ADCK1: variants seen among roughly 807,000 people sequenced by gnomAD.
The protein encoded by ADCK1 is aarF domain containing kinase 1.
ADCK1 carries 41 observed loss-of-function variants against 52.3 expected under a neutral mutation model. The ratio of observed to expected loss-of-function variants is 0.78; its 90% confidence interval spans 0.61 to 1.02. The LOEUF (loss-of-function observed/expected upper bound fraction) is 1.02, where lower values mean the gene tolerates loss of function less well. Among genes scored for constraint, ADCK1 ranks in the 50% least tolerant of loss-of-function variants. The pLI, the probability that ADCK1 is intolerant of heterozygous loss-of-function variation, is 0.00. For synonymous variants in ADCK1, 250 were observed against 274.6 expected, an observed-to-expected ratio of 0.91 and a Z score of 0.89; for missense variants, 658 against 679.5, an observed-to-expected ratio of 0.97 and a Z score of 0.35.
intron 8 of ADCK1, among the ~76,000 whole-genome samples, chr14:77,925,355 T>TGGTGCTG (rs1473187302): frequency 6.6e-6 from 1 of 152,096 alleles, no homozygotes; most frequent in African/African-American, 2.4e-5. Flanking sequence ...CCAGAGGTGA[T>TGGTGCTG]GGTGCTGGCA....
At chr14:77,852,894 TATATATA>T (rs2082333377) in intron 3 of ADCK1, among the ~76,000 whole-genome samples, 1 of 32,408 alleles carries the variant, frequency 3.1e-5, no homozygotes, top group Non-Finnish European at 6.3e-5. Flanking sequence ...TATATATATA[TATATATA>T]TATATATTTT....
intron 6 of ADCK1, among the ~76,000 whole-genome samples, chr14:77,903,509 G>T (rs998521806): frequency 1.6e-4 from 25 of 152,356 alleles, no homozygotes; most frequent in Non-Finnish European, 1.3e-4. Context: ...GGGAGAGGGT[G>T]AGGGGGCAGC....
intron 3 of ADCK1, among the ~76,000 whole-genome samples, chr14:77,828,426 A>G (rs2081766867): frequency 6.6e-6 from 1 of 152,248 alleles, no homozygotes; most frequent in South Asian, 2.1e-4. Context: ...GCTCCTTATC[A>G]TTTTAATGAA....
chr14:77,909,903 G>A (rs1443539077), intron 7 of ADCK1, among the ~76,000 whole-genome samples: 1 of 152,176 alleles, frequency 6.6e-6, no homozygotes, highest in African/African-American at 2.4e-5. Flanking sequence ...AAGAATCAGA[G>A]TCTCAGAGAG....
chr14:77,856,049 A>C (rs2082410237), intron 3 of ADCK1, among the ~76,000 whole-genome samples: 1 of 152,060 alleles, frequency 6.6e-6, no homozygotes, highest in Non-Finnish European at 1.5e-5. Flanking sequence ...TTCTCTACTA[A>C]AAATACAAAA....
Position 77,894,736 on chromosome 14 carries a change from G to GTTTTTTTTTTTTTTTTTTT in ADCK1, c.583-4354_583-4336dup. Among the ~76,000 whole-genome samples, 29 of 36,480 alleles carry GTTTTTTTTTTTTTTTTTTT rather than the reference G, an allele frequency of 7.9e-4. 8 individuals are homozygous for GTTTTTTTTTTTTTTTTTTT. Among genetic ancestry groups the GTTTTTTTTTTTTTTTTTTT allele is most frequent in the Non-Finnish European group, 1.2e-3 (20 of 16,930 alleles). The allele number at this position is 36,480 out of a possible 152,430, so 23.9% of individuals were successfully genotyped here. On this transcript the variant is annotated intron_variant, in intron 5 of 10. Coordinates refer to ENST00000238561, the MANE Select transcript of ADCK1 (RefSeq NM_020421.4). ...TTATTTCTTTTTCTTTTCTTTTCTT[G>GTTTTTTTTTTTTTTTTTTT]TTTTTTTTTTTTTTTTTTTTTTTTT...
intron 1 of ADCK1, among the ~76,000 whole-genome samples, chr14:77,805,242 G>C (rs368420977): frequency 0.019 from 2,652 of 138,688 alleles, 144 homozygotes; most frequent in African/African-American, 0.069. Context: ...GTCATTTTTG[G>C]CTTTGCATTC....
chr14:77,886,914 AC>A (rs1420085732), intron 4 of ADCK1, among the ~76,000 whole-genome samples, 176 bp from the exon 5 acceptor site: 2 of 10,632 alleles, frequency 1.9e-4, no homozygotes, highest in Non-Finnish European at 9.5e-4. Context: ...CTCAACACAC[AC>A]ACACACACAC....
At chr14:77,890,764 A>C (rs530593033) in intron 5 of ADCK1, among the ~76,000 whole-genome samples, 2 of 152,314 alleles carry the variant, frequency 1.3e-5, no homozygotes, top group South Asian at 4.1e-4. Context: ...GACTCAAGAA[A>C]GTGGAGACTC....
At chr14:77,887,623 ATT>A (rs1216967191) in intron 5 of ADCK1, among the ~76,000 whole-genome samples, 1 of 152,210 alleles carries the variant, frequency 6.6e-6, no homozygotes, top group Non-Finnish European at 1.5e-5. Context: ...AATTTGTTAA[ATT>A]GTAACAAAAG....
intron 1 of ADCK1, among the ~76,000 whole-genome samples, chr14:77,809,876 A>C (rs1410301181): frequency 6.6e-6 from 1 of 151,004 alleles, no homozygotes; most frequent in East Asian, 2.0e-4. Flanking sequence ...CTCTAATAAA[A>C]ATACAAAAAA....
Position 77,859,145 on chromosome 14 carries a change from G to A in ADCK1, c.289G>A (p.Gly97Ser), listed in dbSNP as rs754193430. Residue 97 changes from glycine to serine, a missense_variant, in exon 4 of 11, where the codon GGC (glycine) becomes AGC (serine). Transcript: ENST00000238561. ...CANRGTFIKVGQHLGALDYLL... is the reference protein window; with the variant it reads ...CANRGTFIKVSQHLGALDYLL... Reference sequence around the variant, plus strand: ...CAACCGGGGCACCTTCATCAAGGTGGGCCAGCACCTGGGGGCTCTGGACTA... The same window carrying A: ...CAACCGGGGCACCTTCATCAAGGTGAGCCAGCACCTGGGGGCTCTGGACTA... 6.2e-7 allele frequency: 1 copy of A among 1,613,592 alleles called. No homozygotes were observed. Among genetic ancestry groups the A allele is most frequent in the African/African-American group, 1.3e-5 (1 of 74,890 alleles).
chr14:77,857,323 G>C (rs1225812510), intron 3 of ADCK1, among the ~76,000 whole-genome samples: 1 of 152,152 alleles, frequency 6.6e-6, no homozygotes, highest in African/African-American at 2.4e-5. Context: ...AAAAAAAATT[G>C]TGCAAATTTA....
Position 77,899,184 on chromosome 14 carries a change from G to T in ADCK1, c.667G>T (p.Glu223Ter). 1 of 1,614,188 alleles carries T rather than the reference G, an allele frequency of 6.2e-7. No individual in the cohort carries two copies. The highest frequency in any genetic ancestry group is 8.5e-7 in the Non-Finnish European group (1 of 1,180,038). Residue 223 changes from glutamate (E) to a stop codon, truncating the protein, a stop_gained, in exon 6 of 11, where the codon GAG becomes TAG. Transcript: ENST00000238561. LOFTEE classifies it high-confidence loss of function. Reference protein sequence around the residue: ...VDEAKKNLPLELDFLNEGRNA... With the variant: ...VDEAKKNLPL ...TGAAGCCAAGAAGAACCTGCCTTTG[G>T]AGCTGGATTTCCTCAATGAAGGGAG...
chr14:77,864,389 G>T (rs1216970971), intron 4 of ADCK1, among the ~76,000 whole-genome samples: 1 of 152,202 alleles, frequency 6.6e-6, no homozygotes, highest in Non-Finnish European at 1.5e-5. Flanking sequence ...GCAGAGAGCA[G>T]GCACTGTAGG....
At chr14:77,904,065 T>G (rs762722306) in intron 6 of ADCK1, among the ~76,000 whole-genome samples, 8 of 152,146 alleles carry the variant, frequency 5.3e-5, no homozygotes. Flanking sequence ...AGAGCCTGCA[T>G]GTTCACCCTC....
At position 77,810,618 on chromosome 14, in the gene ADCK1, C is replaced by A. The variant is rs574411982; in HGVS notation, c.-11-8350C>A. ...CGATTTCAGCTCACTGCAAGCTATG[C>A]CTCCCGGGTTCACGCCATTTTCCTA... On this transcript the variant is annotated intron_variant, in intron 1 of 10. Transcript: ENST00000238561. Among the ~76,000 whole-genome samples, 273 of 151,006 alleles carry A rather than the reference C, an allele frequency of 1.8e-3. 1 individual carries two copies. The highest frequency in any genetic ancestry group is 6.3e-3 in the African/African-American group (258 of 40,910).
intron 3 of ADCK1, among the ~76,000 whole-genome samples, chr14:77,835,646 C>A (rs1181500781): frequency 6.6e-6 from 1 of 152,148 alleles, no homozygotes; most frequent in East Asian, 1.9e-4. Context: ...TGAGGTAAGG[C>A]CTGGAAAGCC....
At chr14:77,806,681 G>A (rs1594843328) in intron 1 of ADCK1, among the ~76,000 whole-genome samples, 1 of 152,216 alleles carries the variant, frequency 6.6e-6, no homozygotes, top group African/African-American at 2.4e-5. Context: ...ACGCCCTGTG[G>A]CTCATCTGAC....
Sources: allele counts gnomAD v4.1 joint callset (sites outside exome capture counted in the v4.1 genomes callset), GRCh38; gene constraint gnomAD v4.1.1; transcripts MANE v1.5; gene names NCBI Gene and HGNC (gene_info 2026-07-23, HGNC 2026-07-21).